Variants in NINL observed in about 807,000 individuals in gnomAD.
NINL encodes the protein ninein like, also known as ninein-like protein.
NINL carries 153 observed loss-of-function variants against 160.3 expected under a neutral mutation model. The ratio of observed to expected loss-of-function variants is 0.95; its 90% CI spans 0.84 to 1.09. The LOEUF is 1.09. Ranked by LOEUF, NINL falls within the 50% of genes least tolerant of loss-of-function variation. NINL has a pLI of 0.00. For missense variants in NINL, 1,829 were observed against 1,764.0 expected, an observed-to-expected ratio of 1.04 and a Z score of -0.66; for synonymous variants, 800 against 734.8, an observed-to-expected ratio of 1.09 and a Z score of -1.43.
intron 16 of NINL, among the ~76,000 whole-genome samples, chr20:25,478,431 C>T (rs2063314783): frequency 6.6e-6 from 1 of 152,202 alleles, no homozygotes; most frequent in Admixed American, 6.5e-5. Flanking sequence ...CAGACGTGGT[C>T]ACTTCACATG....
At chr20:25,585,168 G>C (rs934905405) in intron 1 of NINL, among the ~76,000 whole-genome samples, 1 of 152,294 alleles carries the variant, frequency 6.6e-6, no homozygotes, top group South Asian at 2.1e-4. Context: ...GCCCTCGTTC[G>C]CACGGCGCCC....
chr20:25,475,225 G>A (rs962086901), intron 17 of NINL, among the ~76,000 whole-genome samples: 6 of 151,382 alleles, frequency 4.0e-5, no homozygotes, highest in Non-Finnish European at 7.4e-5. Context: ...CTCCAGCCTG[G>A]GCCACACAGC....
chr20:25,516,739 A>C (rs1038919062), intron 3 of NINL, among the ~76,000 whole-genome samples: 2 of 152,010 alleles, frequency 1.3e-5, no homozygotes, highest in Non-Finnish European at 2.9e-5. Context: ...TGGGGGGCTG[A>C]CTCTGAACCC....
chr20:25,480,329 C>A, intron 14 of NINL, 62 bp from the exon 15 acceptor site: 2 of 1,304,158 alleles, frequency 1.5e-6, no homozygotes, highest in South Asian at 1.2e-5. Flanking sequence ...CCCTTCCAAA[C>A]CTTCCAATCT....
At chr20:25,529,024 G>A (rs969597585) in intron 1 of NINL, among the ~76,000 whole-genome samples, 2 of 152,148 alleles carry the variant, frequency 1.3e-5, no homozygotes, top group African/African-American at 4.8e-5. Context: ...AAGAATGTAT[G>A]AGGAGTTGAA....
In NINL at chr20:25,482,894, T is replaced by TGG. The variant is rs2063423686; in HGVS notation, c.1678-795_1678-794insCC. ...CAAAAATTAGCCGGGCATGGTGGCA[T>TGG]GCGCCTGTAATCTCAGCTACTTGGG... On this transcript the variant is annotated intron_variant, in intron 13 of 23. Transcript: ENST00000278886. 7.8e-3 allele frequency among the ~76,000 whole-genome samples: 1,157 copies of TGG among 148,576 alleles called. 25 individuals are homozygous for TGG. The highest frequency in any genetic ancestry group is 0.028 in the African/African-American group (1,084 of 38,230).
intron 22 of NINL, 152 bp from the exon 23 acceptor site, chr20:25,455,938 A>T (rs2090662849): frequency 1.6e-6 from 1 of 639,202 alleles, no homozygotes; most frequent in African/African-American, 1.8e-5. Context: ...ACTAAAAAAA[A>T]TAGAAAAATT....
At chr20:25,473,171 T>C (rs1201361052) in intron 17 of NINL, among the ~76,000 whole-genome samples, 1 of 152,206 alleles carries the variant, frequency 6.6e-6, no homozygotes, top group Non-Finnish European at 1.5e-5. Context: ...GAATCTATGC[T>C]GTAAGAAGTG....
At position 25,455,691 on chromosome 20, in the gene NINL, C is replaced by T. The variant is rs781696603; in HGVS notation, c.3939G>A (p.Val1313=). 4 of 1,613,628 alleles carry T rather than the reference C, an allele frequency of 2.5e-6. No homozygotes were observed. The highest frequency in any genetic ancestry group is 8.5e-7 in the Non-Finnish European group (1 of 1,179,610). The part of the protein sequence containing the change: ...KNMEMLLQEK[V]DKLKEQFEKN... ...CACTCACCTGCTCCTTCAGCTTATC[C>T]ACTTTCTCTTGGAGGAGCATTTCCA... The change falls in exon 23 of 24, where the codon GTG becomes GTA. Residue 1313 remains valine, a synonymous_variant. Transcript: ENST00000278886.
chr20:25,530,176 G>A (rs771947039), intron 1 of NINL, among the ~76,000 whole-genome samples: 2 of 152,170 alleles, frequency 1.3e-5, no homozygotes, highest in African/African-American at 4.8e-5. Flanking sequence ...AAGAATCACT[G>A]CTTGGAACAC....
chr20:25,454,834 C>G (rs79412967), intron 23 of NINL, among the ~76,000 whole-genome samples: 2 of 152,238 alleles, frequency 1.3e-5, no homozygotes, highest in African/African-American at 2.4e-5. Flanking sequence ...TATGGCACCT[C>G]ATTTTTGGTC....
At chr20:25,562,421 T>A (rs2064955037) in intron 1 of NINL, among the ~76,000 whole-genome samples, 1 of 119,418 alleles carries the variant, frequency 8.4e-6, no homozygotes, top group Admixed American at 9.0e-5. Context: ...GAAGTAGACA[T>A]GGGAGACTTT....
intron 1 of NINL, among the ~76,000 whole-genome samples, chr20:25,534,629 A>G (rs2064525214): frequency 6.6e-6 from 1 of 152,222 alleles, no homozygotes; most frequent in South Asian, 2.1e-4. Context: ...GAACTAGAGT[A>G]TTGTAATCTT....
intron 1 of NINL, among the ~76,000 whole-genome samples, chr20:25,544,328 C>T (rs577882445): frequency 2.6e-5 from 4 of 152,178 alleles, no homozygotes; most frequent in Admixed American, 6.5e-5. Flanking sequence ...TATCTTTAGA[C>T]CAAAGACAAT....
chr20:25,546,202 T>C (rs2064729986), intron 1 of NINL, among the ~76,000 whole-genome samples: 1 of 152,136 alleles, frequency 6.6e-6, no homozygotes, highest in South Asian at 2.1e-4. Context: ...CTTAAGATAT[T>C]TTACAGTTTG....
chr20:25,573,259 T>C (rs563797914), intron 1 of NINL, among the ~76,000 whole-genome samples: 2 of 149,924 alleles, frequency 1.3e-5, no homozygotes, highest in African/African-American at 4.9e-5. Context: ...ATCACACCAC[T>C]GCACTCCAGC....
intron 9 of NINL, among the ~76,000 whole-genome samples, chr20:25,497,656 C>T (rs2063784282): frequency 6.6e-6 from 1 of 152,250 alleles, no homozygotes; most frequent in African/African-American, 2.4e-5. Context: ...GGAATGGGTT[C>T]TCAGCCCAAC....
chr20:25,503,713 A>ACACACAGCCTG (rs1246230789), intron 7 of NINL, among the ~76,000 whole-genome samples: 3 of 152,126 alleles, frequency 2.0e-5, no homozygotes, highest in Non-Finnish European at 2.9e-5. Context: ...AGGCTTGGAG[A>ACACACAGCCTG]AGGTAACTCC....
chr20:25,560,346 G>A (rs1254482181), intron 1 of NINL, among the ~76,000 whole-genome samples: 1 of 152,208 alleles, frequency 6.6e-6, no homozygotes, highest in Non-Finnish European at 1.5e-5. Flanking sequence ...ATGAGGGGGA[G>A]TAACTACCTT....
Sources: gnomAD v4.1 joint callset for allele counts (sites outside exome capture counted in the v4.1 genomes callset) on GRCh38, gnomAD v4.1.1 for gene constraint, MANE v1.5 for transcripts, NCBI Gene and HGNC (gene_info 2026-07-23, HGNC 2026-07-21) for gene names.